SEM1: variants seen among roughly 807,000 people sequenced by gnomAD.
SEM1 encodes the protein SEM1 26S proteasome subunit.
SEM1 carries 3 observed loss-of-function variants against 12.7 expected under a neutral mutation model. That is an observed-to-expected ratio of 0.24 (90% confidence interval 0.11 to 0.61). The LOEUF is 0.61. Ranked by LOEUF, SEM1 falls within the 20% of genes least tolerant of loss-of-function variation. SEM1 has a pLI of 0.88. For missense variants in SEM1, 59 were observed against 81.3 expected, an observed-to-expected ratio of 0.73 and a Z score of 1.06; for synonymous variants, 30 against 27.8, an observed-to-expected ratio of 1.08 and a Z score of -0.25.
intron 1 of SEM1, chr7:96,706,538 G>A (rs573736429): frequency 1.4e-5 from 2 of 142,308 alleles, no homozygotes; most frequent in African/African-American, 5.3e-5. Context: ...CTCCAGCCTG[G>A]GCAACAAGAG....
At chr7:96,508,050 G>A (rs1803812003) in intron 2 of SEM1, among the ~76,000 whole-genome samples, 1 of 151,806 alleles carries the variant, frequency 6.6e-6, no homozygotes, top group Admixed American at 6.6e-5. Context: ...ATATTATATT[G>A]GGAATATCTT....
At chr7:96,562,964 AG>A (rs1264162329) in intron 2 of SEM1, among the ~76,000 whole-genome samples, 1 of 152,214 alleles carries the variant, frequency 6.6e-6, no homozygotes, top group Non-Finnish European at 1.5e-5. Context: ...CCAAGTATGA[AG>A]GAAAGTCATT....
intron 2 of SEM1, among the ~76,000 whole-genome samples, chr7:96,557,925 C>G (rs1805575724): frequency 6.6e-6 from 1 of 152,174 alleles, no homozygotes; most frequent in African/African-American, 2.4e-5. Flanking sequence ...TGGAAAAGGG[C>G]AGTATTCGGG....
At chr7:96,622,034 A>C (rs1807909433), downstream of SEM1, 2 of 152,394 alleles carry the variant, frequency 1.3e-5, no homozygotes, top group South Asian at 4.1e-4. Flanking sequence ...TCACTTGTAA[A>C]CCAAGTATCA....
intron 2 of SEM1, among the ~76,000 whole-genome samples, chr7:96,533,721 A>G (rs1288445708): frequency 1.3e-5 from 2 of 152,038 alleles, no homozygotes; most frequent in Admixed American, 1.3e-4. Context: ...CAAAGAGGCC[A>G]TGGGTTCAAA....
chr7:96,543,028 A>T (rs1052615328), intron 2 of SEM1, among the ~76,000 whole-genome samples: 3 of 151,966 alleles, frequency 2.0e-5, no homozygotes, highest in Non-Finnish European at 4.4e-5. Flanking sequence ...TGACATAAAA[A>T]TGCTTACAAT....
At chr7:96,559,853 A>G (rs573964743) in intron 2 of SEM1, among the ~76,000 whole-genome samples, 1 of 152,298 alleles carries the variant, frequency 6.6e-6, no homozygotes, top group Admixed American at 6.5e-5. Flanking sequence ...CATGTCACTT[A>G]TAAATGGAGG....
chr7:96,612,522 C>G (rs972556957), intron 2 of SEM1, among the ~76,000 whole-genome samples: 1 of 152,176 alleles, frequency 6.6e-6, no homozygotes, highest in African/African-American at 2.4e-5. Context: ...TCAGAATAAC[C>G]TTGTAATTAA....
chr7:96,692,722 G>T (rs1267495934), intron 2 of SEM1, among the ~76,000 whole-genome samples: 2 of 152,068 alleles, frequency 1.3e-5, no homozygotes, highest in East Asian at 3.9e-4. Context: ...TGGAACAGAT[G>T]ATGTAACATT....
chr7:96,618,713 T>G (rs1386862487), downstream of SEM1, among the ~76,000 whole-genome samples: 2 of 152,160 alleles, frequency 1.3e-5, no homozygotes, highest in African/African-American at 4.8e-5. Context: ...CTTCAATTAA[T>G]CTTTTATTTC....
At chr7:96,686,237 TCTC>T (rs1789757846), downstream of SEM1, among the ~76,000 whole-genome samples, 1 of 152,140 alleles carries the variant, frequency 6.6e-6, no homozygotes, top group Non-Finnish European at 1.5e-5. Flanking sequence ...GCCTGACTAA[TCTC>T]CTTTCCTACT....
At chr7:96,665,505 C>A (rs1342263699) in intron 2 of SEM1, among the ~76,000 whole-genome samples, 1 of 152,110 alleles carries the variant, frequency 6.6e-6, no homozygotes, top group African/African-American at 2.4e-5. Flanking sequence ...AAAGTTAGTT[C>A]TCTATTTATA....
chr7:96,680,324 A>T (rs1789571480), intron 2 of SEM1, among the ~76,000 whole-genome samples: 1 of 152,196 alleles, frequency 6.6e-6, no homozygotes, highest in African/African-American at 2.4e-5. Flanking sequence ...GAGACAACCC[A>T]CAGTAAGACA....
intron 2 of SEM1, among the ~76,000 whole-genome samples, chr7:96,651,635 G>C (rs1031906382): frequency 2.6e-5 from 4 of 152,152 alleles, no homozygotes; most frequent in Non-Finnish European, 2.9e-5. Context: ...GCAGTGGCGT[G>C]ATCTCAGCTT....
chr7:96,541,994 G>A (rs908092366), intron 2 of SEM1, among the ~76,000 whole-genome samples: 1 of 142,492 alleles, frequency 7.0e-6, no homozygotes, highest in Non-Finnish European at 1.5e-5. Context: ...GGTTGCTGTG[G>A]CCTTATAGTG....
chr7:96,681,894 T>G (rs1441069430), intron 2 of SEM1, among the ~76,000 whole-genome samples: 12 of 152,174 alleles, frequency 7.9e-5, no homozygotes, highest in Non-Finnish European at 2.9e-5. Flanking sequence ...ATATGAAATT[T>G]AAAGTAGGTT....
chr7:96,570,002 C>A (rs1278274762), intron 2 of SEM1, among the ~76,000 whole-genome samples: 2 of 151,768 alleles, frequency 1.3e-5, no homozygotes, highest in African/African-American at 4.8e-5. Context: ...GTGCAGGTAC[C>A]TTTTTGATAA....
At chr7:96,559,570 G>A (rs1805629052) in intron 2 of SEM1, among the ~76,000 whole-genome samples, 2 of 152,188 alleles carry the variant, frequency 1.3e-5, no homozygotes, top group Non-Finnish European at 2.9e-5. Context: ...CACTGCACCT[G>A]GCCCAAATGA....
intron 2 of SEM1, among the ~76,000 whole-genome samples, chr7:96,557,549 C>T (rs1805556605): frequency 1.1e-5 from 1 of 88,314 alleles, no homozygotes; most frequent in African/African-American, 2.9e-5. Context: ...TCTGCCCGTT[C>T]TCGTATTTCC....
Sources: allele counts gnomAD v4.1 joint callset (sites outside exome capture counted in the v4.1 genomes callset), GRCh38; gene constraint gnomAD v4.1.1; transcripts MANE v1.5; gene names NCBI Gene and HGNC (gene_info 2026-07-23, HGNC 2026-07-21).